The following RPS6KC1 variants were observed in gnomAD, a reference collection of about 807,000 sequenced individuals.
The protein encoded by RPS6KC1 is ribosomal protein S6 kinase C1.
Under a neutral mutation model 103.8 loss-of-function variants are expected in RPS6KC1, and 54 were observed. That is an observed-to-expected ratio of 0.52 (90% CI 0.42 to 0.65). RPS6KC1 has a LOEUF of 0.65. RPS6KC1 is among the 30% of genes least tolerant of loss of function. The pLI is 0.00. For synonymous variants in RPS6KC1, 439 were observed against 438.7 expected (o/e 1.00, Z -0.01); for missense variants, 1,151 against 1,253.8 (o/e 0.92, Z 1.24).
chr1:213,503,216 A>G, the RPS6KC1 span, among the ~76,000 whole-genome samples: 2 of 151,930 alleles, frequency 1.3e-5, no homozygotes, highest in African/African-American at 4.8e-5. Flanking sequence ...TTGGCCTTAT[A>G]GTTTCACTTG....
the RPS6KC1 span, among the ~76,000 whole-genome samples, chr1:213,384,381 G>C: frequency 3.4e-3 from 511 of 152,158 alleles, 3 homozygotes; most frequent in African/African-American, 0.011. Context: ...GGTCTGGGAG[G>C]TCAAGGGGAT....
the RPS6KC1 span, among the ~76,000 whole-genome samples, chr1:213,583,656 T>A: frequency 0.44 from 65,674 of 150,926 alleles, 15,458 homozygotes; most frequent in African/African-American, 0.64. Flanking sequence ...CCCTGTCTAT[T>A]TGAAAAATAC....
the RPS6KC1 span, among the ~76,000 whole-genome samples, chr1:213,349,237 C>A: frequency 1.3e-5 from 2 of 152,150 alleles, no homozygotes; most frequent in South Asian, 2.1e-4. Context: ...TACACAAACA[C>A]ACTTTGAACA....
the RPS6KC1 span, among the ~76,000 whole-genome samples, chr1:213,816,498 A>G: frequency 2.0e-5 from 3 of 152,106 alleles, no homozygotes; most frequent in African/African-American, 7.2e-5. Context: ...GCCTCGCCAC[A>G]CTGACTTCTG....
chr1:213,474,956 C>A, the RPS6KC1 span, among the ~76,000 whole-genome samples: 1 of 152,182 alleles, frequency 6.6e-6, no homozygotes, highest in Non-Finnish European at 1.5e-5. Flanking sequence ...CCTTCCCGAC[C>A]CCCAGCTCTG....
At chr1:213,633,938 G>A in the RPS6KC1 span, among the ~76,000 whole-genome samples, 1 of 111,126 alleles carries the variant, frequency 9.0e-6, no homozygotes, top group Non-Finnish European at 1.8e-5. Context: ...CCTAGTCTGT[G>A]ATAAAACAGA....
At chr1:213,436,553 T>A in the RPS6KC1 span, among the ~76,000 whole-genome samples, 2 of 152,198 alleles carry the variant, frequency 1.3e-5, no homozygotes, top group Admixed American at 6.5e-5. Context: ...AAAAACATTC[T>A]GGGATATTGA....
At chr1:213,541,557 A>G in the RPS6KC1 span, among the ~76,000 whole-genome samples, 553 of 152,318 alleles carry the variant, frequency 3.6e-3, 7 homozygotes, top group Non-Finnish European at 3.9e-3. Flanking sequence ...TCCTGTATCC[A>G]TAATGCTTAC....
chr1:213,092,088 T>C (rs1327371255), intron 3 of RPS6KC1, among the ~76,000 whole-genome samples: 1 of 152,184 alleles, frequency 6.6e-6, no homozygotes, highest in Non-Finnish European at 1.5e-5. Context: ...CCATTGCTTT[T>C]AGATCATCAG....
chr1:213,625,059 G>A, the RPS6KC1 span, among the ~76,000 whole-genome samples: 3 of 151,986 alleles, frequency 2.0e-5, no homozygotes, highest in African/African-American at 7.3e-5. Flanking sequence ...CTCCATCACT[G>A]CAAATTTCCA....
At chr1:213,086,484 T>G (rs2080413243) in intron 3 of RPS6KC1, among the ~76,000 whole-genome samples, 1 of 152,234 alleles carries the variant, frequency 6.6e-6, no homozygotes, top group African/African-American at 2.4e-5. Context: ...AATTCCAGCC[T>G]TGGCAAGGAG....
At chr1:213,115,953 G>A (rs1303803609) in intron 4 of RPS6KC1, among the ~76,000 whole-genome samples, 4 of 152,164 alleles carry the variant, frequency 2.6e-5, no homozygotes, top group African/African-American at 9.7e-5. Flanking sequence ...TACATTTGCT[G>A]AGGAGAGCTT....
At position 213,232,174 on chromosome 1, in the gene RPS6KC1, C is replaced by T. The variant is rs375560038; in HGVS notation, c.1144C>T (p.Arg382Cys). Reference protein sequence around the residue: ...YSRNRKTIIPRCVPNMVCLHK... With the variant: ...YSRNRKTIIPCCVPNMVCLHK... ...CAGGAACAGAAAGACCATCATCCCC[C>T]GCTGTGTGCCCAACATGGTGTGTCT... Residue 382 changes from arginine (R) to cysteine (C), a missense_variant, in exon 10 of 15, where the codon CGC (arginine) becomes TGC (cysteine). Physicochemically the swap from Arg to Cys is radical, Grantham distance 180 (BLOSUM62 -3). Around this residue, in one of 3 missense-constraint regions of RPS6KC1, gnomAD observed 959 missense variants for 1,006.3 expected, o/e 0.95. Coordinates refer to ENST00000366960, the MANE Select transcript of RPS6KC1 (RefSeq NM_012424.6). The T allele has an allele frequency of 1.8e-5, 29 of 1,613,882 alleles. No individual in the cohort carries two copies. The highest frequency in any genetic ancestry group is 1.6e-4 in the Middle Eastern group (1 of 6,084).
chr1:213,543,125 G>A, the RPS6KC1 span, among the ~76,000 whole-genome samples: 853 of 152,316 alleles, frequency 5.6e-3, 7 homozygotes, highest in Middle Eastern at 0.01. Context: ...GTATAGCCAC[G>A]GGAGCTGGAA....
In RPS6KC1 at chr1:213,205,251, G is replaced by A. The variant is rs564300818; in HGVS notation, c.1045-25246G>A. 1.0e-5 allele frequency: 10 copies of A among 985,002 alleles called. No homozygotes were observed. The East Asian group carries it at 6.8e-4, about 67-fold the overall frequency. The allele number at this position is 985,002 out of a possible 1,614,324, so 61.0% of individuals were successfully genotyped here. On this transcript the variant is annotated intron_variant, in intron 8 of 14. Transcript: ENST00000366960. ...ACTGATTCATTAGTACACAGCCATG[G>A]TGAGACACTTGAGATGTTCTGCTGA...
At chr1:213,300,515 C>G in the RPS6KC1 span, among the ~76,000 whole-genome samples, 24 of 152,322 alleles carry the variant, frequency 1.6e-4, 1 homozygote, top group Admixed American at 1.0e-3. Context: ...GCTTTGGTCT[C>G]TATATTTCAT....
At chr1:213,159,519 A>G (rs1265980936) in intron 6 of RPS6KC1, among the ~76,000 whole-genome samples, 4 of 152,240 alleles carry the variant, frequency 2.6e-5, no homozygotes, top group African/African-American at 4.8e-5. Flanking sequence ...TTATAATTAC[A>G]GTTGACGAAG....
At chr1:213,303,657 C>A in the RPS6KC1 span, among the ~76,000 whole-genome samples, 1 of 152,280 alleles carries the variant, frequency 6.6e-6, no homozygotes, top group East Asian at 1.9e-4. Context: ...ACCTTCCTCC[C>A]AGCCGTGCAG....
the RPS6KC1 span, among the ~76,000 whole-genome samples, chr1:213,579,652 G>C: frequency 6.6e-6 from 1 of 152,038 alleles, no homozygotes; most frequent in Non-Finnish European, 1.5e-5. Context: ...TTAAAGCACA[G>C]TTTACTCTCT....
Sources: allele counts gnomAD v4.1 joint callset (sites outside exome capture counted in the v4.1 genomes callset), GRCh38; gene constraint gnomAD v4.1.1; regional missense constraint gnomAD v4.1.1; transcripts MANE v1.5; gene names NCBI Gene and HGNC (gene_info 2026-07-23, HGNC 2026-07-21).